Variants in ZMYM2 observed in about 807,000 individuals in gnomAD.
ZMYM2 encodes zinc finger MYM-type protein 2.
ZMYM2 carries 56 observed loss-of-function variants against 162.8 expected under a neutral mutation model. The observed-to-expected ratio is 0.34, with a 90% CI of 0.28 to 0.43. The LOEUF (loss-of-function observed/expected upper bound fraction) is 0.43, where lower values mean the gene tolerates loss of function less well. ZMYM2 is among the 20% of genes least tolerant of loss of function. ZMYM2 has a pLI of 1.00. For missense variants in ZMYM2, 1,275 were observed against 1,621.8 expected (o/e 0.79, Z 3.67); for synonymous variants, 510 against 541.6 (o/e 0.94, Z 0.81).
chr13:19,993,482 A>G lies in ZMYM2; in HGVS notation c.410A>G (p.Asn137Ser). Reference protein sequence around the residue: ...TNQGQEKNSSNFIERRPPETK... With the variant: ...TNQGQEKNSSSFIERRPPETK... Reference sequence around the variant, plus strand: ...CAAGGGCAAGAGAAAAATTCCTCCAATTTTATTGAACGAAGACCTCCTGAG... The same window carrying G: ...CAAGGGCAAGAGAAAAATTCCTCCAGTTTTATTGAACGAAGACCTCCTGAG... Residue 137 changes from asparagine to serine, a missense_variant, in exon 3 of 25, where the codon AAT becomes AGT. By Grantham distance (46) the Asn-to-Ser change is conservative. Coordinates refer to ENST00000610343, the MANE Select transcript of ZMYM2 (RefSeq NM_197968.4). 1 of 1,614,154 alleles carries G rather than the reference A, an allele frequency of 6.2e-7. No individual in the cohort carries two copies. The highest frequency in any genetic ancestry group is 8.5e-7 in the Non-Finnish European group (1 of 1,180,006).
At chr13:19,940,980 G>C in the ZMYM2 span, among the ~76,000 whole-genome samples, 1 of 152,072 alleles carries the variant, frequency 6.6e-6, no homozygotes, top group African/African-American at 2.4e-5. Context: ...TATTATTTAA[G>C]CCTATATTAC....
the ZMYM2 span, among the ~76,000 whole-genome samples, chr13:19,899,340 C>G: frequency 6.6e-6 from 1 of 151,858 alleles, no homozygotes; most frequent in Non-Finnish European, 1.5e-5. Context: ...AAAAGCAGTG[C>G]TAAAAGAGAA....
chr13:19,978,021 T>C (rs6490498), intron 2 of ZMYM2, among the ~76,000 whole-genome samples: 15,528 of 149,230 alleles, frequency 0.1, 1,298 homozygotes, highest in African/African-American at 0.22. Context: ...TGACTACAGG[T>C]GCCCACCACC....
At chr13:19,916,522 C>T in the ZMYM2 span, among the ~76,000 whole-genome samples, 2 of 152,266 alleles carry the variant, frequency 1.3e-5, no homozygotes, top group East Asian at 1.9e-4. Flanking sequence ...CAATGAAATA[C>T]TATGCAACCA....
At chr13:20,058,789 C>G (rs540605428) in intron 15 of ZMYM2, 85 bp downstream of exon 15, 3 of 1,526,794 alleles carry the variant, frequency 2.0e-6, no homozygotes, top group Non-Finnish European at 2.7e-6. Context: ...ATGACACCTC[C>G]AGGATAGATT....
At chr13:19,901,616 G>A in the ZMYM2 span, among the ~76,000 whole-genome samples, 2 of 151,838 alleles carry the variant, frequency 1.3e-5, no homozygotes, top group Non-Finnish European at 2.9e-5. Flanking sequence ...CCCGAGTAGC[G>A]GGGATTACAG....
At chr13:19,949,673 G>C in the ZMYM2 span, among the ~76,000 whole-genome samples, 1 of 152,118 alleles carries the variant, frequency 6.6e-6, no homozygotes, top group South Asian at 2.1e-4. Context: ...CAGATCATGA[G>C]ATCAGGAGTT....
the ZMYM2 span, among the ~76,000 whole-genome samples, chr13:19,926,867 C>T: frequency 6.6e-6 from 1 of 152,146 alleles, no homozygotes; most frequent in Non-Finnish European, 1.5e-5. Flanking sequence ...AGGGTTTCAC[C>T]ATATTGGCCA....
intron 19 of ZMYM2, among the ~76,000 whole-genome samples, chr13:20,066,083 A>T (rs1956651333): frequency 6.6e-6 from 1 of 152,232 alleles, no homozygotes; most frequent in Non-Finnish European, 1.5e-5. Flanking sequence ...GAAACATCAC[A>T]TTTCCTGGAA....
the ZMYM2 span, among the ~76,000 whole-genome samples, chr13:19,875,818 T>C: frequency 1.1e-4 from 16 of 151,776 alleles, no homozygotes; most frequent in Admixed American, 2.6e-4. Context: ...CTGGGGACTC[T>C]AAAAAGCGGG....
chr13:19,967,964 G>T (rs944613952), intron 2 of ZMYM2, among the ~76,000 whole-genome samples: 1 of 152,012 alleles, frequency 6.6e-6, no homozygotes, highest in Non-Finnish European at 1.5e-5. Context: ...TCATTAGTCT[G>T]CAGTGCTTTA....
In ZMYM2 at chr13:19,993,365, A is replaced by T. The variant is rs1195711541; in HGVS notation, c.293A>T (p.Lys98Ile). The T allele has an allele frequency of 1.1e-5, 18 of 1,613,736 alleles. No homozygotes were observed. The highest frequency in any genetic ancestry group is 1.5e-5 in the Non-Finnish European group (18 of 1,179,802). ...KNEELQGNDS[K>I]ITPSSKELAS... ...GAAGAACTACAAGGAAATGATTCCA[A>T]AATTACTCCTTCCTCAAAAGAGTTG... Residue 98 changes from lysine (K) to isoleucine (I), a missense_variant, in exon 3 of 25, where the codon AAA becomes ATA. Physicochemically the swap from Lys to Ile is moderately radical, Grantham distance 102 (BLOSUM62 -3). Coordinates refer to ENST00000610343, the MANE Select transcript of ZMYM2 (RefSeq NM_197968.4).
At chr13:20,069,816 T>A (rs369453809) in intron 21 of ZMYM2, among the ~76,000 whole-genome samples, 5 of 151,268 alleles carry the variant, frequency 3.3e-5, no homozygotes, top group African/African-American at 1.2e-4. Flanking sequence ...AACATTGTTC[T>A]ATGAACAACA....
intron 2 of ZMYM2, among the ~76,000 whole-genome samples, chr13:19,988,348 A>G (rs955369663): frequency 1.3e-5 from 2 of 152,238 alleles, no homozygotes. Flanking sequence ...GGATAATTAA[A>G]TAATGCTGTT....
chr13:19,884,703 C>T, the ZMYM2 span, among the ~76,000 whole-genome samples: 6 of 152,096 alleles, frequency 3.9e-5, no homozygotes, highest in Non-Finnish European at 8.8e-5. Flanking sequence ...TTCCTTGCGG[C>T]GGATTCCTGG....
intron 2 of ZMYM2, among the ~76,000 whole-genome samples, chr13:19,988,301 A>G (rs1949339725): frequency 6.6e-6 from 1 of 152,224 alleles, no homozygotes; most frequent in Admixed American, 6.5e-5. Flanking sequence ...AGAGAATAAT[A>G]CAGTATATAT....
the ZMYM2 span, among the ~76,000 whole-genome samples, chr13:19,931,826 A>G: frequency 3.3e-5 from 5 of 151,998 alleles, no homozygotes; most frequent in Admixed American, 3.3e-4. Context: ...AGGTCTCACT[A>G]TGTTGCCCAG....
At chr13:20,066,647 A>T (rs948065036) in intron 19 of ZMYM2, 2 of 406,564 alleles carry the variant, frequency 4.9e-6, no homozygotes, top group Non-Finnish European at 8.6e-6. Flanking sequence ...TTGCTGTCTC[A>T]GGTGGCACGA....
chr13:19,875,841 G>A, the ZMYM2 span, among the ~76,000 whole-genome samples: 3 of 151,776 alleles, frequency 2.0e-5, no homozygotes, highest in African/African-American at 7.3e-5. Flanking sequence ...GGAAAAGAGG[G>A]GAAAAGGGTT....
Sources: allele counts gnomAD v4.1 joint callset (sites outside exome capture counted in the v4.1 genomes callset), GRCh38; gene constraint gnomAD v4.1.1; transcripts MANE v1.5; gene names NCBI Gene and HGNC (gene_info 2026-07-23, HGNC 2026-07-21).